NR1I2: variants seen among roughly 807,000 people sequenced by gnomAD.
NR1I2 encodes the protein nuclear receptor subfamily 1 group I member 2.
In NR1I2, 42 loss-of-function variants were observed where a neutral mutation model predicts 43.3. The observed-to-expected ratio is 0.97, with a 90% CI of 0.76 to 1.26. NR1I2 has a LOEUF of 1.26. Ranked by LOEUF, NR1I2 falls within the 50% of genes most tolerant of loss-of-function variation. The pLI is 0.00. For missense variants in NR1I2, 559 were observed against 566.7 expected (o/e 0.99, Z 0.14); for synonymous variants, 229 against 215.0 (o/e 1.06, Z -0.57).
intron 3 of NR1I2, 136 bp from the exon 4 acceptor site, chr3:119,811,403 A>T: frequency 2.5e-6 from 2 of 807,876 alleles, no homozygotes; most frequent in South Asian, 3.7e-5. Flanking sequence ...CAGACAGGGG[A>T]GAATTGCTTG....
chr3:119,814,948 G>A, intron 5 of NR1I2, 31 bp from the exon 6 acceptor site: 1 of 1,613,738 alleles, frequency 6.2e-7, no homozygotes, highest in East Asian at 2.2e-5. Context: ...CTCCCAGGGA[G>A]CTGTCCTCCC....
At chr3:119,790,391 G>T (rs2054902816) in intron 1 of NR1I2, among the ~76,000 whole-genome samples, 1 of 152,078 alleles carries the variant, frequency 6.6e-6, no homozygotes, top group South Asian at 2.1e-4. Context: ...ATCTCTTCAA[G>T]ACCCCGATTT....
intron 1 of NR1I2, among the ~76,000 whole-genome samples, chr3:119,793,229 C>T (rs1047356002): frequency 2.6e-5 from 4 of 152,192 alleles, no homozygotes; most frequent in African/African-American, 9.7e-5. Context: ...CCTCAGATTC[C>T]TTTGTAGCAA....
chr3:119,798,682 C>A (rs1324109011), intron 1 of NR1I2, among the ~76,000 whole-genome samples: 1 of 151,726 alleles, frequency 6.6e-6, no homozygotes, highest in Non-Finnish European at 1.5e-5. Context: ...AAAGAAACCT[C>A]ATGTTCATTT....
At chr3:119,800,812 A>G (rs2055069625) in intron 1 of NR1I2, among the ~76,000 whole-genome samples, 1 of 152,232 alleles carries the variant, frequency 6.6e-6, no homozygotes, top group African/African-American at 2.4e-5. Flanking sequence ...ACAGAGAGCT[A>G]CATTAAAGGA....
chr3:119,809,913 A>T, intron 2 of NR1I2, 148 bp from the exon 3 acceptor site: 1 of 1,036,026 alleles, frequency 9.7e-7, no homozygotes, highest in Non-Finnish European at 1.4e-6. Flanking sequence ...CACCCTTCCC[A>T]TAAAGCCTGA....
At chr3:119,790,571 A>C (rs779018490) in intron 1 of NR1I2, among the ~76,000 whole-genome samples, 2 of 152,018 alleles carry the variant, frequency 1.3e-5, no homozygotes, top group Non-Finnish European at 2.9e-5. Flanking sequence ...AACACTTGTT[A>C]TTTTCTGTTT....
intron 1 of NR1I2, chr3:119,782,895 C>T: frequency 6.7e-7 from 1 of 1,497,088 alleles, no homozygotes; most frequent in Non-Finnish European, 9.3e-7. Context: ...CCTTGTCCCA[C>T]AGAACCGAGT....
intron 1 of NR1I2, among the ~76,000 whole-genome samples, chr3:119,785,513 A>T (rs1364311608): frequency 6.6e-6 from 1 of 152,214 alleles, no homozygotes; most frequent in African/African-American, 2.4e-5. Context: ...AAGGCCTGGG[A>T]TAGACCTGTC....
intron 1 of NR1I2, among the ~76,000 whole-genome samples, chr3:119,787,657 ATGTG>A (rs3030846): frequency 0.056 from 7,184 of 128,332 alleles, 318 homozygotes; most frequent in African/African-American, 0.12. Flanking sequence ...TGCTATTAAT[ATGTG>A]TGTGTGTGTG....
rs756093086 is a variant in NR1I2 at position 119,794,204 on chromosome 3, G to A, written c.-23+11904G>A. Among the ~76,000 whole-genome samples, 7 of 151,544 alleles carry A rather than the reference G, an allele frequency of 4.6e-5. No individual in the cohort carries two copies. In the South Asian group the frequency reaches 1.5e-3, roughly 32 times the overall value. On this transcript the variant is annotated intron_variant, in intron 1 of 8. Transcript: ENST00000393716. ...TTTTTTGTTTGTTTGTTTTTTTGGG[G>A]TGTTTTTTTTTGAGATAGAGTCTCA...
At chr3:119,810,418 GTGTGCTGGGCAGCCC>G (rs2055223378) in intron 3 of NR1I2, 1 of 636,712 alleles carries the variant, frequency 1.6e-6, no homozygotes, top group Non-Finnish European at 2.7e-6. Context: ...GCCCTGGGAT[GTGTGCTGGGCAGCCC>G]TGGACAGGGC....
At position 119,812,682 on chromosome 3, in the gene NR1I2, CT is replaced by C; in HGVS notation, c.520-3del. ...CTCTGTCCACCTCCTGGCATGTGTC[CT>C]AGCTGCCAGGGGTGCTTAGCAGTGG... On this transcript the variant is annotated splice_polypyrimidine_tract_variant and splice_region_variant and intron_variant, in intron 4 of 8. Transcript: ENST00000393716. 6.2e-7 allele frequency: 1 copy of C among 1,613,772 alleles called. No homozygotes were observed. The highest frequency in any genetic ancestry group is 8.5e-7 in the Non-Finnish European group (1 of 1,180,002).
chr3:119,809,423 C>G (rs1292525714), intron 2 of NR1I2, among the ~76,000 whole-genome samples: 2 of 151,930 alleles, frequency 1.3e-5, no homozygotes. Context: ...CCTAGGTCAA[C>G]GAGGGGAATC....
Position 119,817,250 on chromosome 3 carries a change from G to T in NR1I2, c.*38G>T. On this transcript the variant is annotated 3_prime_UTR_variant, in exon 9 of 9. Transcript: ENST00000393716. ...GGGTGACACCTCCGAGAGGCAGCCA[G>T]ACCCAGAGCCCTCTGAGCCGCCACT... 1 of 1,611,398 alleles carries T rather than the reference G, an allele frequency of 6.2e-7. No homozygotes were observed. Among genetic ancestry groups the T allele is most frequent in the South Asian group, 1.1e-5 (1 of 91,030 alleles).
intron 5 of NR1I2, among the ~76,000 whole-genome samples, chr3:119,813,782 G>C (rs1011396708): frequency 6.6e-6 from 1 of 152,186 alleles, no homozygotes; most frequent in Non-Finnish European, 1.5e-5. Context: ...GCTTAAAGGG[G>C]CAGGGAGAGA....
chr3:119,795,569 T>A (rs916593601), intron 1 of NR1I2, among the ~76,000 whole-genome samples: 1 of 152,114 alleles, frequency 6.6e-6, no homozygotes, highest in Non-Finnish European at 1.5e-5. Flanking sequence ...CTTCCTCATC[T>A]CCTAATGCTG....
intron 3 of NR1I2, 171 bp from the exon 4 acceptor site, chr3:119,811,368 G>A (rs765827821): frequency 1.6e-6 from 1 of 644,390 alleles, no homozygotes; most frequent in Non-Finnish European, 2.6e-6. Flanking sequence ...TGTTTCTCCA[G>A]AAGAGCCCAC....
At chr3:119,816,977 A>G in intron 8 of NR1I2, 91 bp from the exon 9 acceptor site, 2 of 1,544,366 alleles carry the variant, frequency 1.3e-6, no homozygotes, top group Admixed American at 1.7e-5. Flanking sequence ...TGAAATGTCC[A>G]GAGATTATGC....
Sources: gnomAD v4.1 joint callset for allele counts (sites outside exome capture counted in the v4.1 genomes callset) on GRCh38, gnomAD v4.1.1 for gene constraint, MANE v1.5 for transcripts, NCBI Gene and HGNC (gene_info 2026-07-23, HGNC 2026-07-21) for gene names.